The following EYS variants were observed in gnomAD, a reference collection of about 807,000 sequenced individuals.
EYS encodes the protein EGF-like photoreceptor maintenance factor.
Under a neutral mutation model 282.1 loss-of-function variants are expected in EYS, and 250 were observed. The ratio of observed to expected loss-of-function variants is 0.89; its 90% confidence interval spans 0.80 to 0.98. EYS has a LOEUF of 0.98. Ranked by LOEUF, EYS falls within the 50% of genes least tolerant of loss-of-function variation. The probability of loss-of-function intolerance (pLI) is 0.00; values close to 1 mark genes in which losing one functional copy is unlikely to be tolerated. For synonymous variants in EYS, 1,355 were observed against 1,282.9 expected, an observed-to-expected ratio of 1.06 and a Z score of -1.20; for missense variants, 4,016 against 3,709.0, an observed-to-expected ratio of 1.08 and a Z score of -2.15.
In EYS at chr6:65,365,337, G is replaced by A. The variant is rs1403737184; in HGVS notation, c.1300-11720C>T. 1.3e-5 allele frequency among the ~76,000 whole-genome samples: 2 copies of A among 151,514 alleles called. 1 individual carries two copies. The highest frequency in any genetic ancestry group is 1.3e-4 in the Admixed American group (2 of 14,872). Reference sequence around the variant, plus strand: ...CTTACGCCTGAAAAATTTTCTGCCTGATCCCAGGTTTAGATTGGAAATGAT... The same window carrying A: ...CTTACGCCTGAAAAATTTTCTGCCTAATCCCAGGTTTAGATTGGAAATGAT... On this transcript the variant is annotated intron_variant, in intron 8 of 42. Transcript: ENST00000503581.
At chr6:64,123,725 G>A (rs1015224114) in intron 31 of EYS, among the ~76,000 whole-genome samples, 1 of 152,206 alleles carries the variant, frequency 6.6e-6, no homozygotes, top group African/African-American at 2.4e-5. Context: ...AGCCAGAAAT[G>A]TCCCCTTTAG....
intron 9 of EYS, among the ~76,000 whole-genome samples, chr6:65,346,086 T>C (rs371250092): frequency 6.6e-6 from 1 of 151,826 alleles, no homozygotes; most frequent in East Asian, 2.0e-4. Context: ...AGTTAAAGAA[T>C]CTCAGGAGCG....
rs200330129 is a variant in EYS, at chr6:65,644,556, C to T, written c.-447-4664G>A. 2.5e-4 allele frequency among the ~76,000 whole-genome samples: 38 copies of T among 152,296 alleles called. No individual in the cohort carries two copies. In the East Asian group the frequency reaches 7.1e-3, roughly 29 times the overall value. On this transcript the variant is annotated intron_variant, in intron 1 of 42. Transcript: ENST00000503581. ...GATCTAGACATCCAAATACAAAACA[C>T]TCAAAGAACACCTGGGAAATTCATC...
At chr6:64,225,907 A>G (rs1320763423) in intron 31 of EYS, among the ~76,000 whole-genome samples, 4 of 152,148 alleles carry the variant, frequency 2.6e-5, no homozygotes, top group Admixed American at 2.0e-4. Flanking sequence ...TTTATTTTCA[A>G]TTTAACATCT....
At chr6:65,144,018 C>G (rs1764414186) in intron 12 of EYS, among the ~76,000 whole-genome samples, 1 of 151,906 alleles carries the variant, frequency 6.6e-6, no homozygotes, top group Non-Finnish European at 1.5e-5. Context: ...CCAGTTAATA[C>G]AAATTATTGA....
chr6:64,988,729 T>C lies in EYS; in HGVS notation c.2259+8853A>G, dbSNP rs551235370. Among the ~76,000 whole-genome samples the C allele has an allele frequency of 4.6e-5, 7 of 151,762 alleles. No homozygotes were observed. In the East Asian group the frequency reaches 1.4e-3, roughly 30 times the overall value. On this transcript the variant is annotated intron_variant, in intron 14 of 42. Coordinates refer to ENST00000503581, the MANE Select transcript of EYS (RefSeq NM_001142800.2). The stretch of plus-strand genomic sequence containing the variant: ...TAAATAATTAAACCCTGACAAAATA[T>C]TGTTAAGAGTTAGCAGTCTTCATAA...
At chr6:65,278,689 A>G (rs948323811) in intron 12 of EYS, among the ~76,000 whole-genome samples, 4 of 152,076 alleles carry the variant, frequency 2.6e-5, no homozygotes, top group African/African-American at 9.7e-5. Flanking sequence ...TATATAATTT[A>G]TCATTTGTTG....
Position 65,086,995 on chromosome 6 carries a change from G to A in EYS, c.2024-29268C>T, listed in dbSNP as rs1392021671. The stretch of plus-strand genomic sequence containing the variant: ...GTCCCACAACACCCAGCTAATTTTT[G>A]TATTTTTAGTAGATATGGGGTTTCA... On this transcript the variant is annotated intron_variant, in intron 12 of 42. Transcript: ENST00000503581. Among the ~76,000 whole-genome samples the A allele has an allele frequency of 2.0e-5, 3 of 151,922 alleles. 1 individual carries two copies. The highest frequency in any genetic ancestry group is 7.3e-5 in the African/African-American group (3 of 41,374).
At position 65,494,663 on chromosome 6, in the gene EYS, C is replaced by T; in HGVS notation, c.748G>A (p.Gly250Arg). The T allele has an allele frequency of 6.4e-7, 1 of 1,554,756 alleles. No individual in the cohort carries two copies. Among genetic ancestry groups the T allele is most frequent in the South Asian group, 1.2e-5 (1 of 85,180 alleles). Residue 250 changes from glycine (G) to arginine (R), a missense_variant and splice_region_variant, in exon 4 of 43, where the codon GGA (glycine) becomes AGA (arginine). Coordinates refer to ENST00000503581, the MANE Select transcript of EYS (RefSeq NM_001142800.2). ...AATTATATATTTTAAACAATCTTAC[C>T]TGTAAATGGTGGGTGACAGACACAT... ...YECVCHPPFTGKNCSEIIGQC... is the reference protein window; with the variant it reads ...YECVCHPPFTRKNCSEIIGQC...
intron 26 of EYS, among the ~76,000 whole-genome samples, chr6:64,567,776 G>C (rs1296935630): frequency 6.6e-6 from 1 of 152,166 alleles, no homozygotes; most frequent in African/African-American, 2.4e-5. Context: ...GGTATCTTAA[G>C]AGCAATAAAA....
At chr6:64,797,718 C>T (rs9363235) in intron 22 of EYS, among the ~76,000 whole-genome samples, 62,675 of 151,548 alleles carry the variant, frequency 0.41, 15,421 homozygotes, top group Admixed American at 0.59. Context: ...TTTTATTTCC[C>T]GTAAATACTT....
intron 35 of EYS, among the ~76,000 whole-genome samples, chr6:63,879,003 T>C (rs930950203): frequency 3.3e-5 from 5 of 152,196 alleles, no homozygotes; most frequent in African/African-American, 1.2e-4. Context: ...ACCCGGTACT[T>C]CAGGTGCAAC....
intron 19 of EYS, among the ~76,000 whole-genome samples, chr6:64,852,242 T>G (rs767402482): frequency 6.6e-6 from 1 of 152,134 alleles, no homozygotes; most frequent in Non-Finnish European, 1.5e-5. Context: ...GATTAACATT[T>G]GGGTCAGTGT....
At chr6:63,835,798 T>C (rs1398023512) in intron 36 of EYS, among the ~76,000 whole-genome samples, 1 of 152,100 alleles carries the variant, frequency 6.6e-6, no homozygotes, top group East Asian at 1.9e-4. Flanking sequence ...AACTTATTAA[T>C]CCTTCTAACT....
At chr6:64,971,924 T>C (rs1770309048) in intron 14 of EYS, among the ~76,000 whole-genome samples, 1 of 151,962 alleles carries the variant, frequency 6.6e-6, no homozygotes, top group Admixed American at 6.6e-5. Flanking sequence ...GAAAACTGTA[T>C]CCAAATGTTA....
chr6:63,748,063 GTA>G, intron 41 of EYS, among the ~76,000 whole-genome samples: 1 of 152,272 alleles, frequency 6.6e-6, no homozygotes, highest in East Asian at 1.9e-4. Flanking sequence ...TAATAATTTG[GTA>G]TGTTTTTGCA....
intron 5 of EYS, among the ~76,000 whole-genome samples, chr6:65,456,243 G>A (rs1764610000): frequency 6.6e-6 from 1 of 152,042 alleles, no homozygotes; most frequent in African/African-American, 2.4e-5. Context: ...ACGAGGTCAG[G>A]AGAGCGAGAC....
At chr6:64,878,313 A>G (rs925709674) in intron 19 of EYS, among the ~76,000 whole-genome samples, 1 of 152,188 alleles carries the variant, frequency 6.6e-6, no homozygotes, top group Non-Finnish European at 1.5e-5. Flanking sequence ...GTGGAAAAAC[A>G]GAAAATGTAG....
chr6:65,667,980 A>C (rs1768257630), intron 1 of EYS, among the ~76,000 whole-genome samples: 1 of 151,994 alleles, frequency 6.6e-6, no homozygotes, highest in South Asian at 2.1e-4. Flanking sequence ...ACTGAGAAAC[A>C]TTAAGTGTGA....
Sources: gnomAD v4.1 joint callset for allele counts (sites outside exome capture counted in the v4.1 genomes callset) on GRCh38, gnomAD v4.1.1 for gene constraint, MANE v1.5 for transcripts, NCBI Gene and HGNC (gene_info 2026-07-23, HGNC 2026-07-21) for gene names.